Variants in EGFR observed in about 807,000 individuals in gnomAD.
EGFR encodes the protein avian erythroblastic leukemia viral (v-erb-b) oncogene homolog.
In EGFR, 58 loss-of-function variants were observed where a neutral mutation model predicts 143.0. The ratio of observed to expected loss-of-function variants is 0.41; its 90% confidence interval spans 0.33 to 0.50. EGFR has a LOEUF of 0.50. EGFR is among the 20% of genes least tolerant of loss of function. EGFR has a pLI of 0.39. For missense variants in EGFR, 1,307 were observed against 1,579.0 expected, an observed-to-expected ratio of 0.83 and a Z score of 2.92; for synonymous variants, 613 against 594.4, an observed-to-expected ratio of 1.03 and a Z score of -0.45.
intron 1 of EGFR, among the ~76,000 whole-genome samples, chr7:55,063,803 C>G (rs967458252): frequency 1.3e-5 from 2 of 152,150 alleles, no homozygotes; most frequent in Non-Finnish European, 2.9e-5. Flanking sequence ...ACCATCAGTG[C>G]GCTCCACAGC....
intron 18 of EGFR, among the ~76,000 whole-genome samples, chr7:55,174,246 C>A (rs1786490347): frequency 6.6e-6 from 1 of 152,204 alleles, no homozygotes; most frequent in South Asian, 2.1e-4. Context: ...CCTGTGAGAC[C>A]AATTCACAGA....
chr7:55,126,506 G>C (rs1265057834), intron 1 of EGFR, among the ~76,000 whole-genome samples: 1 of 152,190 alleles, frequency 6.6e-6, no homozygotes. Flanking sequence ...CCCCACTACT[G>C]TTGGCAGAGC....
At chr7:55,194,447 C>G (rs1584261067) in intron 22 of EGFR, among the ~76,000 whole-genome samples, 1 of 152,058 alleles carries the variant, frequency 6.6e-6, no homozygotes. Context: ...AGGCTGGTCT[C>G]GAACTCCTGA....
At chr7:55,200,199 CT>C in intron 23 of EGFR, 116 bp from the exon 24 acceptor site, 1 of 1,020,860 alleles carries the variant, frequency 9.8e-7, no homozygotes, top group East Asian at 2.4e-5. Context: ...AGACTTGGTT[CT>C]TTCATCACTT....
intron 7 of EGFR, 77 bp from the exon 8 acceptor site, chr7:55,155,753 A>G: frequency 9.1e-7 from 1 of 1,099,436 alleles, no homozygotes. Context: ...ACCCCTCAAG[A>G]GGACCTGGAC....
intron 4 of EGFR, among the ~76,000 whole-genome samples, chr7:55,147,396 G>A (rs146801777): frequency 1.3e-5 from 2 of 152,130 alleles, no homozygotes; most frequent in Admixed American, 6.5e-5. Context: ...GGCTGCGCCC[G>A]TTCCTGATCG....
intron 1 of EGFR, among the ~76,000 whole-genome samples, chr7:55,097,250 A>G (rs545603269): frequency 3.9e-5 from 6 of 152,306 alleles, no homozygotes; most frequent in Admixed American, 2.6e-4. Flanking sequence ...TACTGCCTGG[A>G]ACGCAGAATC....
In EGFR at chr7:55,171,961, A is replaced by C. The variant is rs1786371102; in HGVS notation, c.1919+748A>C. 2.0e-5 allele frequency among the ~76,000 whole-genome samples: 3 copies of C among 152,092 alleles called. No individual in the cohort carries two copies. In the South Asian group the frequency reaches 6.2e-4, roughly 32 times the overall value. On this transcript the variant is annotated intron_variant, in intron 16 of 27. Transcript: ENST00000275493. ...ATTTTGGCATGCTCCTCCGCCCCCG[A>C]GTTGACAGCCATAGCTCTCTCTCCT...
rs778672343 is a variant in EGFR at position 55,200,392 on chromosome 7, C to G, written c.2925C>G (p.Pro975=). 58 of 1,614,066 alleles carry G rather than the reference C, an allele frequency of 3.6e-5. No homozygotes were observed. Among genetic ancestry groups the G allele is most frequent in the Non-Finnish European group, 4.6e-5 (54 of 1,180,038 alleles). The change falls in exon 24 of 28, where the codon CCC becomes CCG. Residue 975 remains proline (P), a synonymous_variant. Coordinates refer to ENST00000275493, the MANE Select transcript of EGFR (RefSeq NM_005228.5). ...IIEFSKMARD[P]QRYLVIQGDE... ...AATTCTCCAAAATGGCCCGAGACCC[C>G]CAGCGCTACCTTGTCATTCAGGTAC...
intron 8 of EGFR, 130 bp downstream of exon 8, chr7:55,156,076 C>A: frequency 2.6e-6 from 2 of 764,262 alleles, no homozygotes; most frequent in Non-Finnish European, 2.3e-6. Flanking sequence ...TTCTTTAAAA[C>A]AGAAGATAAA....
At chr7:55,144,475 C>A (rs1308772883) in intron 3 of EGFR, among the ~76,000 whole-genome samples, 1 of 152,182 alleles carries the variant, frequency 6.6e-6, no homozygotes, top group Non-Finnish European at 1.5e-5. Context: ...GACAGGGAGG[C>A]AGTGCTGGTA....
At position 55,173,058 on chromosome 7, in the gene EGFR, C is replaced by T. The variant is rs1383165136; in HGVS notation, c.1995C>T (p.Gly665=). 13 of 1,613,774 alleles carry T rather than the reference C, an allele frequency of 8.1e-6. No individual in the cohort carries two copies. Among genetic ancestry groups the T allele is most frequent in the Non-Finnish European group, 1.0e-5 (12 of 1,180,038 alleles). The change falls in exon 17 of 28, where the codon GGC becomes GGT. Residue 665 remains glycine (G), a synonymous_variant. Coordinates refer to ENST00000275493, the MANE Select transcript of EGFR (RefSeq NM_005228.5). ...TGCTGGTGGTGGCCCTGGGGATCGG[C>T]CTCTTCATGCGAAGGCGCCACATCG... ...LLLLVVALGI[G]LFMRRRHIVR... is the part of the protein sequence containing the mutation.
intron 1 of EGFR, among the ~76,000 whole-genome samples, chr7:55,100,731 C>CCGG (rs1185041996): frequency 2.0e-5 from 3 of 152,196 alleles, no homozygotes; most frequent in East Asian, 3.9e-4. Context: ...AGACAGGAAG[C>CCGG]CGGCCACCTG....
intron 21 of EGFR, 145 bp from the exon 22 acceptor site, chr7:55,192,621 G>A: frequency 1.4e-6 from 1 of 739,246 alleles, no homozygotes; most frequent in Non-Finnish European, 2.4e-6. Flanking sequence ...GTTGCCGGGA[G>A]GAGGCGCCGG....
Position 55,049,819 on chromosome 7 carries a change from T to G in EGFR, c.88+30454T>G, listed in dbSNP as rs1583910856. ...GCTTACAGATTGCATGGGGGGCACA[T>G]TCTTTAAAATTGGTCCCTGATCTAG... On this transcript the variant is annotated intron_variant, in intron 1 of 27. Transcript: ENST00000275493. 2.0e-5 allele frequency among the ~76,000 whole-genome samples: 3 copies of G among 152,200 alleles called. No individual in the cohort carries two copies. The South Asian group carries it at 6.2e-4, about 31-fold the overall frequency.
intron 19 of EGFR, chr7:55,180,823 C>T: frequency 4.7e-6 from 1 of 214,672 alleles, no homozygotes; most frequent in Non-Finnish European, 9.4e-6. Flanking sequence ...TTGTCCTCTG[C>T]AGCACCCACA....
intron 13 of EGFR, 97 bp from the exon 14 acceptor site, chr7:55,163,636 C>G: frequency 9.7e-7 from 1 of 1,032,924 alleles, no homozygotes; most frequent in Admixed American, 1.7e-5. Context: ...ACTCCTTGAC[C>G]ATTACCTCAA....
At chr7:55,203,798 CCACA>C (rs202119446) in intron 27 of EGFR, among the ~76,000 whole-genome samples, 14 of 149,838 alleles carry the variant, frequency 9.3e-5, no homozygotes, top group Non-Finnish European at 1.6e-4. Flanking sequence ...CACCCACACC[CCACA>C]CACACATGTA....
intron 1 of EGFR, among the ~76,000 whole-genome samples, chr7:55,047,112 T>C (rs1788220552): frequency 6.6e-6 from 1 of 152,190 alleles, no homozygotes; most frequent in South Asian, 2.1e-4. Flanking sequence ...AAAGTGGTGA[T>C]AACACAGTCA....
Sources: allele counts gnomAD v4.1 joint callset (sites outside exome capture counted in the v4.1 genomes callset), GRCh38; gene constraint gnomAD v4.1.1; transcripts MANE v1.5; gene names NCBI Gene and HGNC (gene_info 2026-07-23, HGNC 2026-07-21).